Variants in SKOR2 observed in about 807,000 individuals in gnomAD.
SKOR2 encodes SKI family transcriptional corepressor 2.
Under a neutral mutation model 69.1 loss-of-function variants are expected in SKOR2, and 47 were observed. The observed-to-expected ratio is 0.68, with a 90% CI of 0.54 to 0.87. The LOEUF is 0.87. SKOR2 is among the 40% of genes least tolerant of loss of function. The pLI, the probability that SKOR2 is intolerant of heterozygous loss-of-function variation, is 0.00. For synonymous variants in SKOR2, 717 were observed against 672.6 expected, an observed-to-expected ratio of 1.07 and a Z score of -1.02; for missense variants, 1,404 against 1,472.2, an observed-to-expected ratio of 0.95 and a Z score of 0.76.
At chr18:47,225,738 T>G (rs945056445) in intron 6 of SKOR2, among the ~76,000 whole-genome samples, 1 of 151,904 alleles carries the variant, frequency 6.6e-6, no homozygotes, top group Non-Finnish European at 1.5e-5. Flanking sequence ...GAAGGAGGAC[T>G]TGGATGAGGG....
chr18:47,221,603 C>T (rs1434378168), intron 6 of SKOR2, among the ~76,000 whole-genome samples: 1 of 152,220 alleles, frequency 6.6e-6, no homozygotes, highest in Non-Finnish European at 1.5e-5. Context: ...TCTTTAAAGT[C>T]CAGTCCAGAT....
chr18:47,218,740 C>T (rs2064152024), intron 7 of SKOR2, among the ~76,000 whole-genome samples: 1 of 152,010 alleles, frequency 6.6e-6, no homozygotes, highest in African/African-American at 2.4e-5. Flanking sequence ...GTAATTATAG[C>T]TCTTATTATC....
In SKOR2 at chr18:47,248,434, G is replaced by C. The variant is rs2064294638; in HGVS notation, c.750C>G (p.His250Gln). Residue 250 changes from histidine (H) to glutamine (Q), a missense_variant, in exon 2 of 9, where the codon CAC becomes CAG. By Grantham distance (24) the His-to-Gln change is conservative. Coordinates refer to ENST00000425639, the MANE Select transcript of SKOR2 (RefSeq NM_001278063.4). The surrounding 1 kb of genome is among the most constrained non-coding windows in gnomAD (Gnocchi z 6.4). ...CAGAGCTGAGCGGGTGGCAGGCGGGGTGCGCGCCCGGCTGGGGCAGTGCGC... is the reference window on the plus strand; with the variant it reads ...CAGAGCTGAGCGGGTGGCAGGCGGGCTGCGCGCCCGGCTGGGGCAGTGCGC... ...RKRALPQPGA[H>Q]PACHPLSSVK... The C allele has an allele frequency of 6.5e-7, 1 of 1,533,870 alleles. No homozygotes were observed. The highest frequency in any genetic ancestry group is 8.7e-7 in the Non-Finnish European group (1 of 1,145,660).
intron 3 of SKOR2, 128 bp downstream of exon 3, chr18:47,245,369 GA>G (rs1568090424): frequency 1.2e-6 from 1 of 822,948 alleles, no homozygotes; most frequent in Non-Finnish European, 1.7e-6. Context: ...AACCAAAAAA[GA>G]GCCCACAAAT....
At chr18:47,221,495 A>G (rs1237013386) in intron 6 of SKOR2, among the ~76,000 whole-genome samples, 2 of 152,202 alleles carry the variant, frequency 1.3e-5, no homozygotes, top group African/African-American at 4.8e-5. Flanking sequence ...CACACCAGCC[A>G]CCAAACCACT....
chr18:47,217,966 A>G (rs2064149379), intron 7 of SKOR2, among the ~76,000 whole-genome samples: 2 of 152,232 alleles, frequency 1.3e-5, no homozygotes, highest in Admixed American at 1.3e-4. Flanking sequence ...TACATGTTGT[A>G]AAATATTTTA....
intron 1 of SKOR2, among the ~76,000 whole-genome samples, chr18:47,249,506 A>G (rs1322901386): frequency 6.6e-6 from 1 of 152,206 alleles, no homozygotes; most frequent in African/African-American, 2.4e-5. Flanking sequence ...GAAACCTAAG[A>G]CCTTATCCCG....
In SKOR2 at chr18:47,210,031, C is replaced by T. The variant is rs185848753; in HGVS notation, c.*3+2055G>A. 2.4e-4 allele frequency among the ~76,000 whole-genome samples: 37 copies of T among 152,222 alleles called. No homozygotes were observed. In the East Asian group the frequency reaches 4.5e-3, roughly 18 times the overall value. On this transcript the variant is annotated intron_variant, in intron 8 of 8. Coordinates refer to ENST00000425639, the MANE Select transcript of SKOR2 (RefSeq NM_001278063.4). ...AGTCAAGGCTGTATTGAGCTGTGAT[C>T]GCATCACTGCAACTCCAGTCTGGGT... is the stretch of plus-strand genomic sequence containing the variant.
At position 47,231,244 on chromosome 18, in the gene SKOR2, T is replaced by C. The variant is rs990199950; in HGVS notation, c.2753-244A>G. On this transcript the variant is annotated intron_variant, in intron 4 of 8. Transcript: ENST00000425639. ...ATGGCAGCTCCCGAAAAGCAGATTC[T>C]TGAAGTTATTCCCTCTCCAACCCCC... The C allele has an allele frequency of 1.3e-5, 18 of 1,400,012 alleles. No individual in the cohort carries two copies. In the African/African-American group the frequency reaches 2.6e-4, roughly 20 times the overall value. The allele number at this position is 1,400,012 out of a possible 1,614,324, so 86.7% of individuals were successfully genotyped here. A position where few individuals can be genotyped will look rare whatever the true frequency, so the allele number is the denominator to read the frequency against.
intron 4 of SKOR2, among the ~76,000 whole-genome samples, chr18:47,237,207 A>C (rs947098723): frequency 6.6e-6 from 1 of 152,230 alleles, no homozygotes; most frequent in Non-Finnish European, 1.5e-5. Context: ...TTCTGACTAA[A>C]TTAGGCTAAT....
chr18:47,242,288 G>A (rs1165697996), intron 4 of SKOR2, among the ~76,000 whole-genome samples: 1 of 152,100 alleles, frequency 6.6e-6, no homozygotes, highest in Admixed American at 6.6e-5. Flanking sequence ...TACATGAAAT[G>A]AAGAGAATAT....
chr18:47,216,913 T>C (rs1401554364), intron 7 of SKOR2, among the ~76,000 whole-genome samples: 1 of 152,202 alleles, frequency 6.6e-6, no homozygotes, highest in Non-Finnish European at 1.5e-5. Flanking sequence ...TATTGACTGA[T>C]GAATAAGATC....
chr18:47,247,745 G>C lies in SKOR2; in HGVS notation c.1439C>G (p.Pro480Arg), dbSNP rs1448392429. The change falls in exon 2 of 9, where the codon CCG becomes CGG. Residue 480 changes from proline to arginine, a missense_variant. By Grantham distance (103) the Pro-to-Arg change is moderately radical (BLOSUM62 -2). Around this residue, in one of 3 missense-constraint regions of SKOR2, gnomAD observed 1,266 missense variants for 1,309.9 expected, o/e 0.97. Coordinates refer to ENST00000425639, the MANE Select transcript of SKOR2 (RefSeq NM_001278063.4). The surrounding 1 kb of genome is among the most constrained non-coding windows in gnomAD (Gnocchi z 6.6). Reference protein sequence around the residue: ...FWPPRTPGGLPVPTYLQPPPQ... With the variant: ...FWPPRTPGGLRVPTYLQPPPQ... Reference sequence around the variant, plus strand: ...CGGGGGCTGCAGGTAGGTGGGCACCGGGAGCCCGCCAGGGGTCCGCGGCGG... The same window carrying C: ...CGGGGGCTGCAGGTAGGTGGGCACCCGGAGCCCGCCAGGGGTCCGCGGCGG... 8 of 1,370,018 alleles carry C rather than the reference G, an allele frequency of 5.8e-6. No individual in the cohort carries two copies. Among genetic ancestry groups the C allele is most frequent in the South Asian group, 3.5e-5 (2 of 57,746 alleles). 84.9% of individuals were successfully genotyped at this position (1,370,018 alleles called of 1,614,324 possible). A position where few individuals can be genotyped will look rare whatever the true frequency, so the allele number is the denominator to read the frequency against.
chr18:47,220,096 C>A, intron 6 of SKOR2, 86 bp from the exon 7 acceptor site: 1 of 1,082,472 alleles, frequency 9.2e-7, no homozygotes, highest in Admixed American at 2.4e-5. Flanking sequence ...TTGACAGTCC[C>A]ATGGACAGCC....
chr18:47,219,060 C>G (rs1456264447), intron 7 of SKOR2, among the ~76,000 whole-genome samples: 1 of 152,188 alleles, frequency 6.6e-6, no homozygotes, highest in East Asian at 1.9e-4. Context: ...GCTCTGTAGA[C>G]AAGACAGGCA....
At chr18:47,246,487 T>G (rs1432333989) in intron 2 of SKOR2, 84 bp downstream of exon 2, 1 of 1,387,096 alleles carries the variant, frequency 7.2e-7, no homozygotes, top group South Asian at 1.6e-5. Flanking sequence ...GATTCATCTT[T>G]CCTGCGCATA....
At position 47,244,893 on chromosome 18, in the gene SKOR2, T is replaced by C. The variant is rs988485822; in HGVS notation, c.2752+15A>G. 1.6e-5 allele frequency: 24 copies of C among 1,534,516 alleles called. No homozygotes were observed. The highest frequency in any genetic ancestry group is 2.0e-5 in the Non-Finnish European group (23 of 1,145,916). On this transcript the variant is annotated intron_variant, in intron 4 of 8. Coordinates refer to ENST00000425639, the MANE Select transcript of SKOR2 (RefSeq NM_001278063.4). The stretch of plus-strand genomic sequence containing the variant: ...TCATCTGACTATTCATTCCTCTTAT[T>C]TGTTCCCAGCCTACCTGATCTTTCT...
At chr18:47,237,690 T>A (rs1443832892) in intron 4 of SKOR2, among the ~76,000 whole-genome samples, 2 of 141,162 alleles carry the variant, frequency 1.4e-5, no homozygotes, top group African/African-American at 2.6e-5. Flanking sequence ...ACCATTTTCT[T>A]TTCTTTTTCT....
chr18:47,249,404 C>T (rs1327844894), intron 1 of SKOR2, among the ~76,000 whole-genome samples, 174 bp from the exon 2 acceptor site: 1 of 152,246 alleles, frequency 6.6e-6, no homozygotes, highest in East Asian at 1.9e-4. Context: ...TAATTTCCTT[C>T]AAGGCCATCC....
Sources: allele counts gnomAD v4.1 joint callset (sites outside exome capture counted in the v4.1 genomes callset), GRCh38; gene constraint gnomAD v4.1.1; regional missense constraint gnomAD v4.1.1; non-coding constraint Gnocchi (gnomAD v3.1); transcripts MANE v1.5; gene names NCBI Gene and HGNC (gene_info 2026-07-23, HGNC 2026-07-21).